The following SLC2A13 variants were observed in gnomAD, a reference collection of about 807,000 sequenced individuals.
The protein encoded by SLC2A13 is proton myo-inositol cotransporter.
In SLC2A13, 32 loss-of-function variants were observed where a neutral mutation model predicts 64.4. The ratio of observed to expected loss-of-function variants is 0.50; its 90% CI spans 0.37 to 0.67. The LOEUF is 0.67. Ranked by LOEUF, SLC2A13 falls within the 30% of genes least tolerant of loss-of-function variation. SLC2A13 has a pLI of 0.00. For missense variants in SLC2A13, 743 were observed against 829.2 expected (o/e 0.90, Z 1.28); for synonymous variants, 338 against 327.1 (o/e 1.03, Z -0.36).
chr12:40,022,835 CAAAA>C (rs761069410), intron 3 of SLC2A13, among the ~76,000 whole-genome samples: 1 of 113,586 alleles, frequency 8.8e-6, no homozygotes, highest in Non-Finnish European at 1.9e-5. Context: ...AAGACTGTCT[CAAAA>C]AAAAAAAAAA....
chr12:39,937,511 CT>C (rs1945937219), intron 4 of SLC2A13, among the ~76,000 whole-genome samples: 1 of 152,156 alleles, frequency 6.6e-6, no homozygotes, highest in Non-Finnish European at 1.5e-5. Context: ...CATCCCTGGA[CT>C]TCATGCTATT....
intron 3 of SLC2A13, among the ~76,000 whole-genome samples, chr12:39,963,418 G>T (rs922171261): frequency 1.3e-5 from 2 of 151,732 alleles, no homozygotes; most frequent in Admixed American, 1.3e-4. Flanking sequence ...AAGAATAAAT[G>T]CATTCTATAC....
At chr12:39,966,688 A>C (rs1946522553) in intron 3 of SLC2A13, among the ~76,000 whole-genome samples, 1 of 152,154 alleles carries the variant, frequency 6.6e-6, no homozygotes, top group Non-Finnish European at 1.5e-5. Context: ...ATCCATTCTG[A>C]TGGCCATAGC....
At chr12:40,061,012 A>G (rs936430778) in intron 1 of SLC2A13, among the ~76,000 whole-genome samples, 30 of 152,244 alleles carry the variant, frequency 2.0e-4, no homozygotes, top group African/African-American at 6.5e-4. Context: ...AAAGATAAAG[A>G]TATTATGTAA....
intron 1 of SLC2A13, chr12:40,068,674 C>T (rs1937837397): frequency 6.6e-6 from 1 of 152,224 alleles, no homozygotes; most frequent in East Asian, 1.9e-4. Flanking sequence ...ATTGTTCATT[C>T]TTATCATGGT....
intron 4 of SLC2A13, among the ~76,000 whole-genome samples, chr12:39,940,788 T>G (rs547358329): frequency 4.5e-4 from 69 of 152,192 alleles, no homozygotes; most frequent in Admixed American, 1.8e-3. Flanking sequence ...TAGTGGTGAT[T>G]TGTGAGATTT....
chr12:39,923,820 A>C (rs1275970977), intron 4 of SLC2A13, among the ~76,000 whole-genome samples: 1 of 151,838 alleles, frequency 6.6e-6, no homozygotes, highest in Non-Finnish European at 1.5e-5. Flanking sequence ...GCACCTCAAC[A>C]CCTATTCTGC....
chr12:40,036,018 T>G (rs1017363464), intron 2 of SLC2A13, among the ~76,000 whole-genome samples: 75 of 152,200 alleles, frequency 4.9e-4, no homozygotes, highest in African/African-American at 1.7e-3. Flanking sequence ...TATCCTTTTT[T>G]CCCCCCAAAC....
chr12:39,978,528 G>A (rs1946810185), intron 3 of SLC2A13, among the ~76,000 whole-genome samples: 1 of 152,192 alleles, frequency 6.6e-6, no homozygotes, highest in Non-Finnish European at 1.5e-5. Context: ...AAGGGGTCAG[G>A]GAGTTCCCTT....
At chr12:39,916,267 G>A (rs914630099) in intron 4 of SLC2A13, among the ~76,000 whole-genome samples, 8 of 152,016 alleles carry the variant, frequency 5.3e-5, no homozygotes, top group Admixed American at 4.6e-4. Flanking sequence ...ATAATCAGGT[G>A]CTAAAATGTA....
intron 1 of SLC2A13, among the ~76,000 whole-genome samples, chr12:40,076,089 C>T (rs1938161375): frequency 1.3e-5 from 2 of 152,298 alleles, no homozygotes; most frequent in African/African-American, 4.8e-5. Flanking sequence ...AGCAACTTGT[C>T]AGATTTCCCT....
At chr12:40,056,107 T>C (rs1345905551) in intron 1 of SLC2A13, among the ~76,000 whole-genome samples, 2 of 151,802 alleles carry the variant, frequency 1.3e-5, no homozygotes, top group African/African-American at 4.8e-5. Context: ...TCATTTTAAA[T>C]AACAGTATAA....
intron 4 of SLC2A13, among the ~76,000 whole-genome samples, chr12:39,872,818 A>G (rs1488553329): frequency 1.3e-5 from 2 of 152,244 alleles, no homozygotes; most frequent in Non-Finnish European, 2.9e-5. Context: ...ATGTGATAGA[A>G]TTCAAATCTT....
intron 3 of SLC2A13, among the ~76,000 whole-genome samples, chr12:39,975,781 C>T (rs1002891516): frequency 2.0e-5 from 3 of 152,216 alleles, no homozygotes; most frequent in Non-Finnish European, 4.4e-5. Context: ...ATTTCACTCT[C>T]TATTAACATG....
At chr12:39,915,076 C>A (rs1020918557) in intron 4 of SLC2A13, among the ~76,000 whole-genome samples, 1 of 151,798 alleles carries the variant, frequency 6.6e-6, no homozygotes, top group African/African-American at 2.4e-5. Context: ...GGAAAACCAA[C>A]AGAGAAATGA....
chr12:39,886,968 C>T (rs1284055103), intron 4 of SLC2A13, among the ~76,000 whole-genome samples: 1 of 152,122 alleles, frequency 6.6e-6, no homozygotes, highest in Non-Finnish European at 1.5e-5. Context: ...AAAATGCAAA[C>T]TTGATTGATA....
intron 6 of SLC2A13, among the ~76,000 whole-genome samples, chr12:39,845,285 AT>A (rs1189749977): frequency 6.6e-6 from 1 of 151,918 alleles, no homozygotes; most frequent in African/African-American, 2.4e-5. Flanking sequence ...CATTTGTGCT[AT>A]TTTGCTTCAG....
intron 7 of SLC2A13, among the ~76,000 whole-genome samples, chr12:39,805,143 A>G (rs1209983477): frequency 6.7e-6 from 1 of 149,802 alleles, no homozygotes; most frequent in East Asian, 2.0e-4. Context: ...AGGGCAGGCC[A>G]GGCCAGGCCA....
Position 39,789,892 on chromosome 12 carries a change from T to A in SLC2A13, c.1446-25034A>T, listed in dbSNP as rs1941321229. 2.0e-5 allele frequency among the ~76,000 whole-genome samples: 3 copies of A among 152,132 alleles called. No homozygotes were observed. The South Asian group carries it at 6.2e-4, about 32-fold the overall frequency. The stretch of plus-strand genomic sequence containing the variant: ...TTTCCAATTGGACAGTTTGCCTATT[T>A]CTGATTGGTTCATAGGAACGTCCAG... On this transcript the variant is annotated intron_variant, in intron 7 of 9. Transcript: ENST00000280871.
Sources: allele counts gnomAD v4.1 joint callset (sites outside exome capture counted in the v4.1 genomes callset), GRCh38; gene constraint gnomAD v4.1.1; transcripts MANE v1.5; gene names NCBI Gene and HGNC (gene_info 2026-07-23, HGNC 2026-07-21).